KIF26B: variants seen among roughly 807,000 people sequenced by gnomAD.
The protein encoded by KIF26B is kinesin-like protein KIF26B.
Under a neutral mutation model 151.2 loss-of-function variants are expected in KIF26B, and 63 were observed. The observed-to-expected ratio is 0.42, with a 90% CI of 0.34 to 0.51. KIF26B has a LOEUF of 0.51. Among genes scored for constraint, KIF26B ranks in the 20% least tolerant of loss-of-function variants. The pLI is 0.07. For synonymous variants in KIF26B, 1,357 were observed against 1,262.1 expected (o/e 1.08, Z -1.59); for missense variants, 2,813 against 2,913.6 (o/e 0.97, Z 0.79).
At chr1:245,219,536 T>C (rs1669722182) in intron 2 of KIF26B, among the ~76,000 whole-genome samples, 1 of 151,872 alleles carries the variant, frequency 6.6e-6, no homozygotes, top group South Asian at 2.1e-4. Flanking sequence ...GGTTTCAGAC[T>C]AGCCTGGGCA....
chr1:245,540,965 C>T lies in KIF26B; in HGVS notation c.1350+15C>T, dbSNP rs1394470945. 10 of 1,594,852 alleles carry T rather than the reference C, an allele frequency of 6.3e-6. No individual in the cohort carries two copies. The highest frequency in any genetic ancestry group is 4.5e-5 in the East Asian group (2 of 44,484). On this transcript the variant is annotated intron_variant, in intron 5 of 14. Transcript: ENST00000407071. The surrounding 1 kb of genome is among the most constrained non-coding windows in gnomAD (Gnocchi z 4.6). ...GGCTGGGCAAGGTAGGACCATCCGC[C>T]GTCCCTGCCATTTGCCCAGTGTGCG...
intron 2 of KIF26B, among the ~76,000 whole-genome samples, chr1:245,291,188 G>A (rs746453877): frequency 2.6e-5 from 4 of 152,230 alleles, no homozygotes; most frequent in Non-Finnish European, 4.4e-5. Flanking sequence ...AAGTCACAGA[G>A]CCAGTCCTGA....
intron 2 of KIF26B, among the ~76,000 whole-genome samples, chr1:245,303,080 T>G (rs1671461782): frequency 6.6e-6 from 1 of 151,550 alleles, no homozygotes; most frequent in African/African-American, 2.4e-5. Context: ...AAATCTGGGT[T>G]CTGTTCTCAG....
At chr1:245,441,087 G>C (rs1024445329) in intron 4 of KIF26B, among the ~76,000 whole-genome samples, 4 of 152,326 alleles carry the variant, frequency 2.6e-5, no homozygotes, top group Non-Finnish European at 5.9e-5. Flanking sequence ...TTGGCTTCCT[G>C]TGGAATTTCA....
intron 4 of KIF26B, among the ~76,000 whole-genome samples, chr1:245,508,085 G>A (rs920185202): frequency 2.0e-5 from 3 of 152,194 alleles, no homozygotes; most frequent in Admixed American, 6.5e-5. Flanking sequence ...TTCCTCAGGT[G>A]TACACACCAA....
At position 245,359,248 on chromosome 1, in the gene KIF26B, A is replaced by G. The variant is rs149511003; in HGVS notation, c.466-7586A>G. ...TGGCCAGGCTGGTCTCGAACTCCTG[A>G]CCTCAAGTGATCCTCCTGCCTCGGC... is the stretch of plus-strand genomic sequence containing the variant. On this transcript the variant is annotated intron_variant, in intron 2 of 14. Coordinates refer to ENST00000407071, the MANE Select transcript of KIF26B (RefSeq NM_018012.4). 4.0e-3 allele frequency among the ~76,000 whole-genome samples: 601 copies of G among 151,812 alleles called. 3 individuals carry two copies. The highest frequency in any genetic ancestry group is 0.014 in the African/African-American group (574 of 41,386).
intron 2 of KIF26B, among the ~76,000 whole-genome samples, chr1:245,203,677 C>A (rs1057386648): frequency 1.3e-5 from 2 of 152,182 alleles, no homozygotes; most frequent in Non-Finnish European, 2.9e-5. Context: ...ATGGTGCATG[C>A]AGTTTTTGAT....
At position 245,687,956 on chromosome 1, in the gene KIF26B, A is replaced by G; in HGVS notation, c.4973A>G (p.Lys1658Arg). ...ASSSSKLFSA[K>R]LEQLASRSNS... is the part of the protein sequence containing the mutation. ...AGCAGCAGCAAGCTCTTCAGTGCCA[A>G]GCTGGAGCAGCTGGCCAGCAGAAGC... Residue 1658 changes from lysine (K) to arginine (R), a missense_variant, in exon 12 of 15, where the codon AAG becomes AGG. Physicochemically the swap from Lys to Arg is conservative, Grantham distance 26. This residue lies in a region of KIF26B where 2,060 missense variants were observed against 2,088.6 expected (regional missense o/e 0.99). Coordinates refer to ENST00000407071, the MANE Select transcript of KIF26B (RefSeq NM_018012.4). The surrounding 1 kb of genome is among the most constrained non-coding windows in gnomAD (Gnocchi z 4.9). 6.3e-7 allele frequency: 1 copy of G among 1,587,630 alleles called. No homozygotes were observed. Among genetic ancestry groups the G allele is most frequent in the Non-Finnish European group, 8.6e-7 (1 of 1,168,898 alleles).
At chr1:245,207,594 A>T (rs114962412) in intron 2 of KIF26B, among the ~76,000 whole-genome samples, 1 of 152,136 alleles carries the variant, frequency 6.6e-6, no homozygotes, top group Non-Finnish European at 1.5e-5. Flanking sequence ...CATACTCCCT[A>T]AGGACCGGTG....
chr1:245,467,917 G>A, intron 4 of KIF26B, among the ~76,000 whole-genome samples: 1 of 151,894 alleles, frequency 6.6e-6, no homozygotes, highest in Non-Finnish European at 1.5e-5. Flanking sequence ...GGGGTTGGCA[G>A]TGGCCTTCAC....
chr1:245,399,519 C>T (rs1409640876), intron 3 of KIF26B, among the ~76,000 whole-genome samples: 1 of 152,230 alleles, frequency 6.6e-6, no homozygotes, highest in Non-Finnish European at 1.5e-5. Context: ...ATCGTCCCTT[C>T]ATCCTTGAGG....
chr1:245,155,715 C>T (rs1453810514), intron 1 of KIF26B, among the ~76,000 whole-genome samples: 2 of 152,254 alleles, frequency 1.3e-5, no homozygotes, highest in African/African-American at 4.8e-5. Context: ...CCTTTCCACG[C>T]ACCCGTAACT....
chr1:245,415,228 A>C (rs570201273), intron 3 of KIF26B, among the ~76,000 whole-genome samples: 1 of 152,324 alleles, frequency 6.6e-6, no homozygotes, highest in Non-Finnish European at 1.5e-5. Flanking sequence ...CTTGACATAA[A>C]AACAACTCAG....
Position 245,679,457 on chromosome 1 carries a change from G to GTTTTTTTTTTTTTTTTTT in KIF26B, c.2259-4764_2259-4747dup, listed in dbSNP as rs35663208. Among the ~76,000 whole-genome samples the GTTTTTTTTTTTTTTTTTT allele has an allele frequency of 5.1e-5, 3 of 59,176 alleles. 1 individual carries two copies. The highest frequency in any genetic ancestry group is 5.0e-4 in the Admixed American group (2 of 3,962). 38.8% of individuals were successfully genotyped at this position (59,176 alleles called of 152,430 possible). ...GGTTTTTTGTGTTTTTTTTGTGTGTGTTTTTTTTTTTTTTTTTTTTTTTTT... is the reference window on the plus strand; with the variant it reads ...GGTTTTTTGTGTTTTTTTTGTGTGTGTTTTTTTTTTTTTTTTTTTTTTTTTTTTTTTTTTTTTTTTTTT... On this transcript the variant is annotated intron_variant, in intron 10 of 14. Transcript: ENST00000407071.
chr1:245,314,482 C>G lies in KIF26B; in HGVS notation c.466-52352C>G, dbSNP rs184043778. ...AAAGAAAAAGCAAACAAACAAACAG[C>G]CCTTACATTCAGCATAGGGCTTAGC... On this transcript the variant is annotated intron_variant, in intron 2 of 14. Coordinates refer to ENST00000407071, the MANE Select transcript of KIF26B (RefSeq NM_018012.4). 2.6e-5 allele frequency among the ~76,000 whole-genome samples: 4 copies of G among 152,222 alleles called. No individual in the cohort carries two copies. The East Asian group carries it at 5.8e-4, about 22-fold the overall frequency.
At chr1:245,341,849 T>G (rs992387429) in intron 2 of KIF26B, among the ~76,000 whole-genome samples, 6 of 152,214 alleles carry the variant, frequency 3.9e-5, no homozygotes, top group Admixed American at 2.0e-4. Flanking sequence ...GGTGCACAGC[T>G]GTGCAGTGTC....
chr1:245,480,254 G>A (rs1660136684), intron 4 of KIF26B, among the ~76,000 whole-genome samples: 2 of 1,034 alleles, frequency 1.9e-3, no homozygotes, highest in African/African-American at 2.5e-3. Flanking sequence ...ACTCCAGCCT[G>A]AGCAACAAAG....
At chr1:245,228,857 A>G (rs1273581021) in intron 2 of KIF26B, among the ~76,000 whole-genome samples, 2 of 152,190 alleles carry the variant, frequency 1.3e-5, no homozygotes, top group African/African-American at 4.8e-5. Context: ...TCCAGAGTTC[A>G]TTCTCCAATC....
At chr1:245,513,122 G>T (rs573949053) in intron 4 of KIF26B, among the ~76,000 whole-genome samples, 15 of 152,006 alleles carry the variant, frequency 9.9e-5, no homozygotes, top group Non-Finnish European at 1.9e-4. Context: ...CACTAACAGA[G>T]GAAGCAACCC....
Sources: allele counts gnomAD v4.1 joint callset (sites outside exome capture counted in the v4.1 genomes callset), GRCh38; gene constraint gnomAD v4.1.1; regional missense constraint gnomAD v4.1.1; non-coding constraint Gnocchi (gnomAD v3.1); transcripts MANE v1.5; gene names NCBI Gene and HGNC (gene_info 2026-07-23, HGNC 2026-07-21).